Variants in CERT1 observed in about 807,000 individuals in gnomAD.
CERT1 encodes ceramide transfer protein.
A neutral mutation model predicts 87.9 loss-of-function variants in CERT1; 31 were observed. The ratio of observed to expected loss-of-function variants is 0.35; its 90% confidence interval spans 0.27 to 0.48. The LOEUF (loss-of-function observed/expected upper bound fraction) is 0.48, where lower values mean the gene tolerates loss of function less well. Ranked by LOEUF, CERT1 falls within the 20% of genes least tolerant of loss-of-function variation. The pLI, the probability that CERT1 is intolerant of heterozygous loss-of-function variation, is 0.99. For missense variants in CERT1, 487 were observed against 758.0 expected, an observed-to-expected ratio of 0.64 and a Z score of 4.20; for synonymous variants, 289 against 250.9, an observed-to-expected ratio of 1.15 and a Z score of -1.44.
At chr5:75,374,423 A>C, downstream of CERT1, 1 of 570,886 alleles carries the variant, frequency 1.8e-6, no homozygotes, top group Non-Finnish European at 3.1e-6. Flanking sequence ...AGTTAGAAAA[A>C]AAAACGGGAA....
intron 9 of CERT1, 68 bp downstream of exon 9, chr5:75,402,904 A>G: frequency 1.1e-6 from 1 of 915,576 alleles, no homozygotes; most frequent in Non-Finnish European, 1.8e-6. Context: ...ACATGAAATA[A>G]TATACACCAA....
At chr5:75,437,222 G>A (rs552628696) in intron 3 of CERT1, among the ~76,000 whole-genome samples, 2 of 151,916 alleles carry the variant, frequency 1.3e-5, no homozygotes, top group Non-Finnish European at 2.9e-5. Context: ...CTTTACTAAC[G>A]GTGTCTTCAC....
intron 2 of CERT1, among the ~76,000 whole-genome samples, chr5:75,488,892 T>C (rs1014698441): frequency 6.6e-6 from 1 of 152,160 alleles, no homozygotes; most frequent in African/African-American, 2.4e-5. Context: ...ATTATGGTTT[T>C]AAATAAAGCC....
At chr5:75,374,513 C>T (rs1432713873), downstream of CERT1, 10 of 720,196 alleles carry the variant, frequency 1.4e-5, no homozygotes, top group African/African-American at 1.2e-4. Flanking sequence ...GCCACAGCCA[C>T]GTGCAGCCTG....
In CERT1 at chr5:75,382,023, T is replaced by C; in HGVS notation, c.1543A>G (p.Ile515Val). The part of the protein sequence containing the change: ...DVLYLSVIRK[I>V]PALTENDPET... Reference sequence around the variant, plus strand: ...GGGTCATTTTCAGTCAAGGCTGGTATCTTTCGAATGACAGAAAGATATAAT... The same window carrying C: ...GGGTCATTTTCAGTCAAGGCTGGTACCTTTCGAATGACAGAAAGATATAAT... Residue 515 changes from isoleucine (I) to valine (V), a missense_variant, in exon 15 of 17, where the codon ATA becomes GTA. This residue lies in a region of CERT1 where 147 missense variants were observed against 200.8 expected (regional missense o/e 0.73). Transcript: ENST00000643780. The C allele has an allele frequency of 1.2e-6, 2 of 1,614,008 alleles. No homozygotes were observed. The highest frequency in any genetic ancestry group is 1.7e-6 in the Non-Finnish European group (2 of 1,179,902).
intron 2 of CERT1, among the ~76,000 whole-genome samples, chr5:75,469,933 A>C (rs746798928): frequency 3.3e-5 from 5 of 152,198 alleles, no homozygotes; most frequent in Non-Finnish European, 5.9e-5. Context: ...CTTCTATCAG[A>C]TGAAATAGAC....
intron 2 of CERT1, among the ~76,000 whole-genome samples, chr5:75,479,650 TGG>T (rs1766133923): frequency 6.6e-6 from 1 of 152,244 alleles, no homozygotes; most frequent in Non-Finnish European, 1.5e-5. Context: ...TAGTATTCCA[TGG>T]TGTCTATGTA....
chr5:75,461,458 T>C lies in CERT1; in HGVS notation c.232-2277A>G, dbSNP rs1319239360. ...AAACTGGTCCCTGGTGCCAAAAAGATTGGGAAATGCTAATCTAAAGAACCA... is the reference window on the plus strand; with the variant it reads ...AAACTGGTCCCTGGTGCCAAAAAGACTGGGAAATGCTAATCTAAAGAACCA... On this transcript the variant is annotated intron_variant, in intron 2 of 16. Coordinates refer to ENST00000643780, the MANE Select transcript of CERT1 (RefSeq NM_001379029.1). Among the ~76,000 whole-genome samples, 3 of 152,254 alleles carry C rather than the reference T, an allele frequency of 2.0e-5. No individual in the cohort carries two copies. In the East Asian group the frequency reaches 5.8e-4, roughly 29 times the overall value.
intron 2 of CERT1, among the ~76,000 whole-genome samples, chr5:75,492,187 A>T (rs189536267): frequency 5.1e-4 from 77 of 151,988 alleles, no homozygotes; most frequent in Non-Finnish European, 8.4e-4. Flanking sequence ...CTACCAAAAA[A>T]CAAACAAACA....
intron 2 of CERT1, among the ~76,000 whole-genome samples, chr5:75,466,458 G>C (rs1765459603): frequency 1.3e-5 from 2 of 152,138 alleles, no homozygotes; most frequent in Admixed American, 6.5e-5. Flanking sequence ...GGATATTCGA[G>C]TATAAGATAC....
chr5:75,391,746 T>C (rs975604277), intron 11 of CERT1, among the ~76,000 whole-genome samples: 1 of 152,240 alleles, frequency 6.6e-6, no homozygotes, highest in Non-Finnish European at 1.5e-5. Context: ...CTCTGTCACA[T>C]TGTGATTAGG....
At chr5:75,430,432 A>C (rs544623042) in intron 3 of CERT1, among the ~76,000 whole-genome samples, 3 of 152,304 alleles carry the variant, frequency 2.0e-5, no homozygotes, top group African/African-American at 7.2e-5. Flanking sequence ...AATCAAAAGC[A>C]TGTACTTCAT....
chr5:75,458,272 T>C (rs1414864642), intron 3 of CERT1, among the ~76,000 whole-genome samples: 2 of 152,138 alleles, frequency 1.3e-5, no homozygotes, highest in Non-Finnish European at 2.9e-5. Context: ...TATATATTTA[T>C]ATAAAAAAGA....
intron 11 of CERT1, among the ~76,000 whole-genome samples, chr5:75,397,701 C>A (rs1762311348): frequency 1.3e-5 from 2 of 152,138 alleles, no homozygotes; most frequent in South Asian, 2.1e-4. Flanking sequence ...GTCACAGATT[C>A]ATTATGAATA....
chr5:75,393,380 C>T (rs1168590335), intron 11 of CERT1, among the ~76,000 whole-genome samples: 1 of 151,634 alleles, frequency 6.6e-6, no homozygotes, highest in Non-Finnish European at 1.5e-5. Flanking sequence ...TTCCATCTCA[C>T]ATTTGAATCA....
At chr5:75,464,472 A>G (rs1192544083) in intron 2 of CERT1, among the ~76,000 whole-genome samples, 2 of 152,162 alleles carry the variant, frequency 1.3e-5, no homozygotes, top group African/African-American at 2.4e-5. Flanking sequence ...GCAAGCAGAT[A>G]AAGAAAAGTC....
chr5:75,487,687 A>G (rs1319427813), intron 2 of CERT1, among the ~76,000 whole-genome samples: 1 of 152,108 alleles, frequency 6.6e-6, no homozygotes, highest in African/African-American at 2.4e-5. Flanking sequence ...ATTACTCAAA[A>G]GACAACATAC....
At chr5:75,424,505 G>C (rs898194791) in intron 5 of CERT1, among the ~76,000 whole-genome samples, 1 of 151,938 alleles carries the variant, frequency 6.6e-6, no homozygotes, top group African/African-American at 2.4e-5. Context: ...CAGGGAGCCG[G>C]AGGTTGCAGC....
chr5:75,439,537 C>T (rs1405408470), intron 3 of CERT1, among the ~76,000 whole-genome samples: 1 of 152,056 alleles, frequency 6.6e-6, no homozygotes, highest in Admixed American at 6.5e-5. Context: ...CCCACTCCCT[C>T]CACCTAAACT....
Sources: allele counts gnomAD v4.1 joint callset (sites outside exome capture counted in the v4.1 genomes callset), GRCh38; gene constraint gnomAD v4.1.1; regional missense constraint gnomAD v4.1.1; transcripts MANE v1.5; gene names NCBI Gene and HGNC (gene_info 2026-07-23, HGNC 2026-07-21).